Variants in UBE2QL1 observed in about 807,000 individuals in gnomAD.
UBE2QL1 encodes ubiquitin-conjugating enzyme E2Q-like protein 1.
UBE2QL1 carries 5 observed loss-of-function variants against 12.6 expected under a neutral mutation model. That is an observed-to-expected ratio of 0.40 (90% confidence interval 0.21 to 0.83). UBE2QL1 has a LOEUF of 0.83. UBE2QL1 is among the 40% of genes least tolerant of loss of function. The probability of loss-of-function intolerance (pLI) is 0.37; values close to 1 mark genes in which losing one functional copy is unlikely to be tolerated. For synonymous variants in UBE2QL1, 96 were observed against 94.5 expected (o/e 1.02, Z -0.10); for missense variants, 99 against 222.6 (o/e 0.44, Z 3.53).
At position 6,456,494 on chromosome 5, in the gene UBE2QL1, G is replaced by A. The variant is rs570416625; in HGVS notation, c.354+7247G>A. Among the ~76,000 whole-genome samples, 16 of 152,344 alleles carry A rather than the reference G, an allele frequency of 1.1e-4. No individual in the cohort carries two copies. In the South Asian group the frequency reaches 3.3e-3, roughly 32 times the overall value. The stretch of plus-strand genomic sequence containing the variant: ...CCCCCACACTGACCAAGAAGTTGTA[G>A]TAATGGCAGAAATGTTTCCAGTAAT... On this transcript the variant is annotated intron_variant, in intron 1 of 1. Coordinates refer to ENST00000399816, the MANE Select transcript of UBE2QL1 (RefSeq NM_001145161.3).
chr5:6,452,391 T>A (rs1739428551), intron 1 of UBE2QL1, among the ~76,000 whole-genome samples: 1 of 152,252 alleles, frequency 6.6e-6, no homozygotes, highest in African/African-American at 2.4e-5. Flanking sequence ...GAAATAATGA[T>A]ATACATATCT....
At position 6,492,264 on chromosome 5, in the gene UBE2QL1, A is replaced by G. The variant is rs1208265507; in HGVS notation, c.*915A>G. 1 of 152,242 alleles carries G rather than the reference A, an allele frequency of 6.6e-6. No individual in the cohort carries two copies. The highest frequency in any genetic ancestry group is 1.5e-5 in the Non-Finnish European group (1 of 68,050). The allele number at this position is 152,242 out of a possible 1,614,324, so 9.4% of individuals were successfully genotyped here. Reference sequence around the variant, plus strand: ...CTGCAGTCATCTGACTCATTTTAATATCTGTGCTAGTGACAATGAATGTCA... The same window carrying G: ...CTGCAGTCATCTGACTCATTTTAATGTCTGTGCTAGTGACAATGAATGTCA... On this transcript the variant is annotated 3_prime_UTR_variant, in exon 2 of 2. Coordinates refer to ENST00000399816, the MANE Select transcript of UBE2QL1 (RefSeq NM_001145161.3).
At chr5:6,461,543 A>ACC (rs71953375) in intron 1 of UBE2QL1, among the ~76,000 whole-genome samples, 72 of 42,224 alleles carry the variant, frequency 1.7e-3, no homozygotes, top group African/African-American at 4.9e-3. Context: ...AGCACCCACC[A>ACC]CCCCCCCCCG....
intron 1 of UBE2QL1, among the ~76,000 whole-genome samples, chr5:6,465,035 T>C (rs1248905584): frequency 6.6e-6 from 1 of 151,728 alleles, no homozygotes; most frequent in Non-Finnish European, 1.5e-5. Context: ...CCAACCAGAC[T>C]GGAGTGCAGT....
At chr5:6,484,457 G>C (rs1020522200) in intron 1 of UBE2QL1, among the ~76,000 whole-genome samples, 11 of 152,174 alleles carry the variant, frequency 7.2e-5, no homozygotes, top group African/African-American at 2.7e-4. Context: ...AGTCTCGGGA[G>C]TCCTTGATTC....
rs146136844 is a variant in UBE2QL1 at position 6,474,938 on chromosome 5, G to A, written c.355-16280G>A. On this transcript the variant is annotated intron_variant, in intron 1 of 1. Coordinates refer to ENST00000399816, the MANE Select transcript of UBE2QL1 (RefSeq NM_001145161.3). ...TTTACATCTGTGCTTCCGTTTCTCC[G>A]TCTTGAGGAGAGGCTGGAGCAGTCT... Among the ~76,000 whole-genome samples the A allele has an allele frequency of 6.2e-3, 950 of 152,254 alleles. 10 individuals carry two copies. Among genetic ancestry groups the A allele is most frequent in the African/African-American group, 0.022 (899 of 41,540 alleles).
In UBE2QL1 at chr5:6,479,366, C is replaced by T. The variant is rs1207805769; in HGVS notation, c.355-11852C>T. The stretch of plus-strand genomic sequence containing the variant: ...TAAGAGGTCAAGTTGGGTAGGAGAA[C>T]ACCATTGTTTCTTGCAGGTCACTCA... On this transcript the variant is annotated intron_variant, in intron 1 of 1. Coordinates refer to ENST00000399816, the MANE Select transcript of UBE2QL1 (RefSeq NM_001145161.3). This position sits in a 1 kb window ranked among gnomAD's most constrained non-coding sequence, Gnocchi z 4.2. Among the ~76,000 whole-genome samples, 1 of 152,110 alleles carries T rather than the reference C, an allele frequency of 6.6e-6. No individual in the cohort carries two copies. Among genetic ancestry groups the T allele is most frequent in the Non-Finnish European group, 1.5e-5 (1 of 68,022 alleles).
intron 1 of UBE2QL1, among the ~76,000 whole-genome samples, chr5:6,477,380 C>T: frequency 6.6e-6 from 1 of 151,616 alleles, no homozygotes; most frequent in African/African-American, 2.4e-5. Context: ...GGTCAGCCTG[C>T]TGAGGACAGG....
chr5:6,464,351 T>G (rs747448329), intron 1 of UBE2QL1, among the ~76,000 whole-genome samples: 1 of 152,102 alleles, frequency 6.6e-6, no homozygotes, highest in East Asian at 1.9e-4. Flanking sequence ...AAAAAACAAT[T>G]CCAAATTCAA....
At chr5:6,451,413 C>T (rs976745796) in intron 1 of UBE2QL1, among the ~76,000 whole-genome samples, 7 of 152,272 alleles carry the variant, frequency 4.6e-5, no homozygotes, top group African/African-American at 1.4e-4. Flanking sequence ...ATTTTCTTTT[C>T]TCTGTATTTA....
rs1232439167 is a variant in UBE2QL1 at position 6,479,543 on chromosome 5, C to G, written c.355-11675C>G. 6.6e-6 allele frequency among the ~76,000 whole-genome samples: 1 copy of G among 152,186 alleles called. No homozygotes were observed. Among genetic ancestry groups the G allele is most frequent in the African/African-American group, 2.4e-5 (1 of 41,458 alleles). ...GAAGCAAATGAAGAGGTGCTGATGT[C>G]TGTATCCTCCGGTGAGTCTGTCCAT... On this transcript the variant is annotated intron_variant, in intron 1 of 1. Coordinates refer to ENST00000399816, the MANE Select transcript of UBE2QL1 (RefSeq NM_001145161.3). The surrounding 1 kb of genome is among the most constrained non-coding windows in gnomAD (Gnocchi z 4.2).
intron 1 of UBE2QL1, among the ~76,000 whole-genome samples, chr5:6,466,131 G>A (rs890896746): frequency 5.3e-5 from 8 of 152,012 alleles, no homozygotes; most frequent in Non-Finnish European, 8.8e-5. Flanking sequence ...CCACTGACTC[G>A]GCAGCCACGG....
In UBE2QL1 at chr5:6,478,622, GTT is replaced by G. The variant is rs11420520; in HGVS notation, c.355-12584_355-12583del. Among the ~76,000 whole-genome samples the G allele has an allele frequency of 1.4e-5, 2 of 144,654 alleles. No individual in the cohort carries two copies. Among genetic ancestry groups the G allele is most frequent in the East Asian group, 2.0e-4 (1 of 4,994 alleles). The allele number at this position is 144,654 out of a possible 152,430, so 94.9% of individuals were successfully genotyped here. The stretch of plus-strand genomic sequence containing the variant: ...CTAGTGACATTCTTGGTCTCTTTCG[GTT>G]TTTTTTTTTTTGGACTTTAACAGCA... On this transcript the variant is annotated intron_variant, in intron 1 of 1. Transcript: ENST00000399816. This position sits in a 1 kb window ranked among gnomAD's most constrained non-coding sequence, Gnocchi z 4.5.
chr5:6,456,962 C>G (rs1224148576), intron 1 of UBE2QL1, among the ~76,000 whole-genome samples: 2 of 151,930 alleles, frequency 1.3e-5, no homozygotes, highest in Admixed American at 6.6e-5. Flanking sequence ...CTCCCGCTCT[C>G]TTCCTCTCCA....
chr5:6,470,365 A>T (rs973153758), intron 1 of UBE2QL1, among the ~76,000 whole-genome samples: 1 of 152,212 alleles, frequency 6.6e-6, no homozygotes, highest in Non-Finnish European at 1.5e-5. Flanking sequence ...TTATAATGGT[A>T]TATGTTATGT....
intron 1 of UBE2QL1, among the ~76,000 whole-genome samples, chr5:6,458,316 T>C (rs1348931124): frequency 3.3e-5 from 5 of 152,216 alleles, no homozygotes; most frequent in Non-Finnish European, 7.3e-5. Flanking sequence ...CAGTTACACG[T>C]AAAGTTGAAT....
At position 6,491,421 on chromosome 5, in the gene UBE2QL1, C is replaced by T. The variant is rs904169352; in HGVS notation, c.*72C>T. 2.8e-6 allele frequency: 4 copies of T among 1,451,060 alleles called. No individual in the cohort carries two copies. Among genetic ancestry groups the T allele is most frequent in the Middle Eastern group, 2.5e-4 (1 of 4,002 alleles). The allele number at this position is 1,451,060 out of a possible 1,614,324, so 89.9% of individuals were successfully genotyped here. On this transcript the variant is annotated 3_prime_UTR_variant, in exon 2 of 2. Transcript: ENST00000399816. ...CCAGTACCCTGACATCTCCTCAATG[C>T]TGTGCATCCTCCACCCGTTTTTACT... is the stretch of plus-strand genomic sequence containing the variant.
rs1240228501 is a variant in UBE2QL1 at position 6,496,325 on chromosome 5, A to G, written c.*4976A>G. Among the ~76,000 whole-genome samples, 3 of 152,220 alleles carry G rather than the reference A, an allele frequency of 2.0e-5. No individual in the cohort carries two copies. The highest frequency in any genetic ancestry group is 2.1e-4 in the South Asian group (1 of 4,828). On this transcript the variant is annotated 3_prime_UTR_variant, in exon 2 of 2. Coordinates refer to ENST00000399816, the MANE Select transcript of UBE2QL1 (RefSeq NM_001145161.3). ...ACCTTGGGCAGTCACTGGTGATGACACTAATTGAACTAACACAGAAACTGC... is the reference window on the plus strand; with the variant it reads ...ACCTTGGGCAGTCACTGGTGATGACGCTAATTGAACTAACACAGAAACTGC...
chr5:6,469,975 G>A lies in UBE2QL1; in HGVS notation c.354+20728G>A, dbSNP rs180835154. Among the ~76,000 whole-genome samples, 9 of 152,270 alleles carry A rather than the reference G, an allele frequency of 5.9e-5. No individual in the cohort carries two copies. In the East Asian group the frequency reaches 7.7e-4, roughly 13 times the overall value. ...ACAGAGGACATTCGGTGATGGTGCC[G>A]GGCGGGACCCTGCAATGGTCTGTGG... On this transcript the variant is annotated intron_variant, in intron 1 of 1. Transcript: ENST00000399816.
Sources: gnomAD v4.1 joint callset for allele counts (sites outside exome capture counted in the v4.1 genomes callset) on GRCh38, gnomAD v4.1.1 for gene constraint, Gnocchi (gnomAD v3.1) non-coding constraint, MANE v1.5 for transcripts, NCBI Gene and HGNC (gene_info 2026-07-23, HGNC 2026-07-21) for gene names.